SLC9A2: variants seen among roughly 807,000 people sequenced by gnomAD.
SLC9A2 encodes the protein solute carrier family 9 member A2, also known as sodium/hydrogen exchanger 2.
A neutral mutation model predicts 71.7 loss-of-function variants in SLC9A2; 42 were observed. The ratio of observed to expected loss-of-function variants is 0.59; its 90% CI spans 0.46 to 0.76. The LOEUF (loss-of-function observed/expected upper bound fraction) is 0.76. SLC9A2 is among the 30% of genes least tolerant of loss of function. SLC9A2 has a pLI of 0.00. For missense variants in SLC9A2, 829 were observed against 1,017.4 expected (o/e 0.81, Z 2.52); for synonymous variants, 396 against 392.5 (o/e 1.01, Z -0.10).
chr2:102,695,924 T>C (rs914472854), intron 7 of SLC9A2, among the ~76,000 whole-genome samples: 2 of 150,928 alleles, frequency 1.3e-5, no homozygotes, highest in East Asian at 1.9e-4. Flanking sequence ...CTGTGTTGGA[T>C]AAATACAATT....
At chr2:102,702,139 A>G (rs1026849270) in intron 8 of SLC9A2, among the ~76,000 whole-genome samples, 4 of 152,236 alleles carry the variant, frequency 2.6e-5, no homozygotes, top group Non-Finnish European at 5.9e-5. Context: ...GTGAGGTAGC[A>G]TTATAAGCCA....
At chr2:102,700,063 A>G (rs1677844136) in intron 7 of SLC9A2, among the ~76,000 whole-genome samples, 1 of 152,178 alleles carries the variant, frequency 6.6e-6, no homozygotes, top group South Asian at 2.1e-4. Flanking sequence ...TCAGCCCATA[A>G]CATAGAACAT....
chr2:102,701,032 A>T (rs1248900252), intron 7 of SLC9A2, 38 bp from the exon 8 acceptor site: 6 of 1,409,142 alleles, frequency 4.3e-6, no homozygotes, highest in Non-Finnish European at 5.9e-6. Flanking sequence ...TTCTTAGTCA[A>T]TCCAGTATTA....
intron 7 of SLC9A2, 102 bp downstream of exon 7, chr2:102,695,215 G>A (rs11685926): frequency 0.046 from 38,316 of 829,168 alleles, 1,107 homozygotes; most frequent in Middle Eastern, 0.081. Flanking sequence ...TCTTTCCTGT[G>A]TTGTACCATA....
chr2:102,633,231 G>A (rs1030117775), intron 1 of SLC9A2, among the ~76,000 whole-genome samples: 3 of 152,186 alleles, frequency 2.0e-5, no homozygotes, highest in African/African-American at 4.8e-5. Context: ...AATAGATGAG[G>A]ATAAGAGTTT....
chr2:102,694,496 A>G lies in SLC9A2; in HGVS notation c.1508A>G (p.Tyr503Cys). 6.6e-7 allele frequency: 1 copy of G among 1,517,790 alleles called. No individual in the cohort carries two copies. Among genetic ancestry groups the G allele is most frequent in the Non-Finnish European group, 9.0e-7 (1 of 1,111,926 alleles). The allele number at this position is 1,517,790 out of a possible 1,614,324, so 94.0% of individuals were successfully genotyped here. ...KKQQAVSEEI[Y>C]CRLFDHVKTG... ...CAACAAGCTGTCAGTGAAGAAATCT[A>G]TTGTCGGGTAGGTGTTAAGAGAGTG... is the stretch of plus-strand genomic sequence containing the variant. Residue 503 changes from tyrosine to cysteine, a missense_variant, in exon 6 of 12, where the codon TAT (tyrosine) becomes TGT (cysteine). This residue lies in a region of SLC9A2 where 500 missense variants were observed against 726.3 expected (regional missense o/e 0.69). Coordinates refer to ENST00000233969, the MANE Select transcript of SLC9A2 (RefSeq NM_003048.6).
intron 3 of SLC9A2, among the ~76,000 whole-genome samples, chr2:102,681,714 T>C (rs1677455761): frequency 6.6e-6 from 1 of 152,236 alleles, no homozygotes; most frequent in Non-Finnish European, 1.5e-5. Context: ...TCTTCACTTA[T>C]AGAAATCTAA....
At chr2:102,705,338 G>A in intron 10 of SLC9A2, among the ~76,000 whole-genome samples, 1 of 152,030 alleles carries the variant, frequency 6.6e-6, no homozygotes, top group East Asian at 1.9e-4. Flanking sequence ...GTTATTTTAT[G>A]TGTAAAATGT....
At chr2:102,699,257 T>C (rs1178260922) in intron 7 of SLC9A2, among the ~76,000 whole-genome samples, 1 of 151,904 alleles carries the variant, frequency 6.6e-6, no homozygotes, top group African/African-American at 2.4e-5. Flanking sequence ...GGATTCCTAG[T>C]AGAAGGAATA....
At chr2:102,662,668 AG>A (rs1266036583) in intron 2 of SLC9A2, among the ~76,000 whole-genome samples, 3 of 152,082 alleles carry the variant, frequency 2.0e-5, no homozygotes, top group African/African-American at 7.2e-5. Flanking sequence ...AGAAAGGACA[AG>A]GAAAGGAAAG....
At chr2:102,645,612 C>A (rs1676706671) in intron 1 of SLC9A2, among the ~76,000 whole-genome samples, 1 of 151,962 alleles carries the variant, frequency 6.6e-6, no homozygotes, top group Admixed American at 6.6e-5. Context: ...ACATAAATGA[C>A]CTGATGGAGC....
chr2:102,644,769 G>T, intron 1 of SLC9A2, among the ~76,000 whole-genome samples: 1 of 152,180 alleles, frequency 6.6e-6, no homozygotes, highest in Non-Finnish European at 1.5e-5. Flanking sequence ...ACTAGGCAAG[G>T]CATCTCTGAA....
chr2:102,638,191 A>T (rs199936589), intron 1 of SLC9A2, among the ~76,000 whole-genome samples: 1 of 30,944 alleles, frequency 3.2e-5, no homozygotes, highest in African/African-American at 4.1e-4. Context: ...TCTGCTTCAG[A>T]CTTTTCATGT....
At chr2:102,638,428 G>A (rs970407481) in intron 1 of SLC9A2, among the ~76,000 whole-genome samples, 1 of 152,214 alleles carries the variant, frequency 6.6e-6, no homozygotes, top group Non-Finnish European at 1.5e-5. Flanking sequence ...AGGACACTAT[G>A]GAATATCTAA....
intron 5 of SLC9A2, chr2:102,689,699 G>C (rs745892949): frequency 5.9e-5 from 9 of 152,156 alleles, no homozygotes; most frequent in Non-Finnish European, 1.3e-4. Flanking sequence ...TTTTTAAGAT[G>C]GAACAATGTA....
intron 11 of SLC9A2, 86 bp from the exon 12 acceptor site, chr2:102,708,033 G>A: frequency 7.0e-7 from 1 of 1,426,388 alleles, no homozygotes; most frequent in Non-Finnish European, 9.5e-7. Context: ...GGACGTATCA[G>A]TTGCCTGACT....
rs759987959 is a variant in SLC9A2 at position 102,658,114 on chromosome 2, C to T, written c.753+87C>T. The stretch of plus-strand genomic sequence containing the variant: ...CTCTCTGCACCTCAACTGGCAGGGG[C>T]GAGACCCTGCACACAGGGTGGTTTC... On this transcript the variant is annotated intron_variant, in intron 2 of 11. Transcript: ENST00000233969. 3.3e-4 allele frequency: 322 copies of T among 988,932 alleles called. No homozygotes were observed. The highest frequency in any genetic ancestry group is 4.5e-4 in the Non-Finnish European group (297 of 660,868). 61.3% of individuals were successfully genotyped at this position (988,932 alleles called of 1,614,324 possible).
intron 8 of SLC9A2, among the ~76,000 whole-genome samples, 183 bp downstream of exon 8, chr2:102,701,414 A>G (rs1392019839): frequency 6.6e-6 from 1 of 152,126 alleles, no homozygotes; most frequent in East Asian, 1.9e-4. Flanking sequence ...TCATTTTTCT[A>G]TGGGGACATA....
intron 1 of SLC9A2, among the ~76,000 whole-genome samples, chr2:102,648,666 A>T (rs1676775108): frequency 6.6e-6 from 1 of 152,202 alleles, no homozygotes; most frequent in African/African-American, 2.4e-5. Flanking sequence ...CAATGTCCAA[A>T]AATCACAAAT....
Sources: allele counts gnomAD v4.1 joint callset (sites outside exome capture counted in the v4.1 genomes callset), GRCh38; gene constraint gnomAD v4.1.1; regional missense constraint gnomAD v4.1.1; transcripts MANE v1.5; gene names NCBI Gene and HGNC (gene_info 2026-07-23, HGNC 2026-07-21).